Variants in LRRC4C observed in about 807,000 individuals in gnomAD.
The protein encoded by LRRC4C is leucine rich repeat containing 4C.
A neutral mutation model predicts 33.6 loss-of-function variants in LRRC4C; 5 were observed. The ratio of observed to expected loss-of-function variants is 0.15; its 90% CI spans 0.08 to 0.31. LRRC4C has a LOEUF of 0.31. LRRC4C is among the 10% of genes least tolerant of loss of function. The probability of loss-of-function intolerance (pLI) is 1.00; values close to 1 mark genes in which losing one functional copy is unlikely to be tolerated. For synonymous variants in LRRC4C, 329 were observed against 302.0 expected, an observed-to-expected ratio of 1.09 and a Z score of -0.93; for missense variants, 560 against 796.7, an observed-to-expected ratio of 0.70 and a Z score of 3.58.
intron 1 of LRRC4C, among the ~76,000 whole-genome samples, chr11:41,181,900 GAA>G (rs1006497664): frequency 6.6e-6 from 1 of 151,722 alleles, no homozygotes; most frequent in Non-Finnish European, 1.5e-5. Context: ...TTTTAAAGAG[GAA>G]AAAAAGACTC....
At chr11:40,717,913 A>G (rs1341919917) in intron 2 of LRRC4C, among the ~76,000 whole-genome samples, 2 of 152,212 alleles carry the variant, frequency 1.3e-5, no homozygotes, top group African/African-American at 2.4e-5. Flanking sequence ...GGTAGTATAT[A>G]CCACAATTAC....
At chr11:40,380,950 C>T (rs577000471) in intron 3 of LRRC4C, among the ~76,000 whole-genome samples, 6 of 152,224 alleles carry the variant, frequency 3.9e-5, no homozygotes, top group East Asian at 3.9e-4. Context: ...ACAGCTATTC[C>T]GTGCATGCGA....
chr11:40,558,261 C>T (rs1339504026), intron 3 of LRRC4C, among the ~76,000 whole-genome samples: 2 of 152,112 alleles, frequency 1.3e-5, no homozygotes, highest in Non-Finnish European at 2.9e-5. Context: ...AACATTCAAA[C>T]ATTTTAGTTT....
chr11:41,139,131 T>C (rs1004122380), intron 1 of LRRC4C, among the ~76,000 whole-genome samples: 34 of 152,324 alleles, frequency 2.2e-4, no homozygotes, highest in African/African-American at 7.7e-4. Flanking sequence ...TCTTATCTAG[T>C]TGAATACTTA....
intron 1 of LRRC4C, among the ~76,000 whole-genome samples, chr11:41,144,533 A>T (rs1335383661): frequency 6.6e-6 from 1 of 152,118 alleles, no homozygotes; most frequent in African/African-American, 2.4e-5. Context: ...TTATCTCTCA[A>T]GGCTTTTCAA....
chr11:41,204,102 G>A (rs1946504172), intron 1 of LRRC4C, among the ~76,000 whole-genome samples: 1 of 152,096 alleles, frequency 6.6e-6, no homozygotes, highest in African/African-American at 2.4e-5. Flanking sequence ...AACTGGTGGA[G>A]ACAGGAAAAG....
chr11:40,238,696 A>C (rs1865732926), intron 5 of LRRC4C, among the ~76,000 whole-genome samples: 1 of 152,216 alleles, frequency 6.6e-6, no homozygotes, highest in African/African-American at 2.4e-5. Flanking sequence ...AGAGTTGCAA[A>C]GAAGGAACAT....
intron 1 of LRRC4C, among the ~76,000 whole-genome samples, chr11:41,206,072 G>T (rs1946590577): frequency 6.6e-6 from 1 of 152,060 alleles, no homozygotes; most frequent in South Asian, 2.1e-4. Context: ...ATACAACATA[G>T]AAAAGCTTTT....
chr11:40,294,581 C>A (rs545590556), intron 4 of LRRC4C, among the ~76,000 whole-genome samples: 1 of 152,200 alleles, frequency 6.6e-6, no homozygotes, highest in African/African-American at 2.4e-5. Flanking sequence ...GTAATCCCAG[C>A]CCTTTGGGAG....
intron 1 of LRRC4C, among the ~76,000 whole-genome samples, chr11:41,249,229 T>G (rs901537464): frequency 2.0e-5 from 3 of 152,108 alleles, no homozygotes; most frequent in African/African-American, 4.8e-5. Context: ...AGAGACGGGA[T>G]TTCACCATGT....
intron 5 of LRRC4C, among the ~76,000 whole-genome samples, chr11:40,234,365 G>T (rs1229308987): frequency 6.6e-6 from 1 of 152,040 alleles, no homozygotes; most frequent in Admixed American, 6.6e-5. Context: ...AAGTAGCAGA[G>T]TCAAAACCCC....
At chr11:41,261,436 G>A (rs775788420) in intron 1 of LRRC4C, among the ~76,000 whole-genome samples, 1 of 152,056 alleles carries the variant, frequency 6.6e-6, no homozygotes, top group Non-Finnish European at 1.5e-5. Context: ...ATTTGAAAGT[G>A]GAATAGCAAA....
chr11:41,235,710 C>T (rs531017904), intron 1 of LRRC4C, among the ~76,000 whole-genome samples: 29 of 152,212 alleles, frequency 1.9e-4, no homozygotes, highest in African/African-American at 5.5e-4. Context: ...AGGAAATCTT[C>T]GGTATCACTG....
chr11:40,911,910 A>G (rs375137090), intron 2 of LRRC4C, among the ~76,000 whole-genome samples: 12 of 152,366 alleles, frequency 7.9e-5, no homozygotes, highest in African/African-American at 2.6e-4. Flanking sequence ...CACAAGCCTC[A>G]GTAGCCGATT....
chr11:41,259,316 A>G (rs1194551558), intron 1 of LRRC4C, among the ~76,000 whole-genome samples: 1 of 152,030 alleles, frequency 6.6e-6, no homozygotes, highest in African/African-American at 2.4e-5. Context: ...ATGTGAGTTA[A>G]CTTTTTAATT....
intron 3 of LRRC4C, among the ~76,000 whole-genome samples, chr11:40,419,349 G>A (rs1165171557): frequency 6.6e-6 from 1 of 152,030 alleles, no homozygotes; most frequent in Non-Finnish European, 1.5e-5. Flanking sequence ...ACTATGCTTA[G>A]ACAATCATAA....
chr11:40,289,140 C>A (rs1008563712), intron 4 of LRRC4C, among the ~76,000 whole-genome samples: 1 of 152,106 alleles, frequency 6.6e-6, no homozygotes, highest in Admixed American at 6.5e-5. Context: ...ATCCTGGCAA[C>A]CACTGTAAGG....
At chr11:40,496,229 T>A (rs950001050) in intron 3 of LRRC4C, among the ~76,000 whole-genome samples, 1 of 151,884 alleles carries the variant, frequency 6.6e-6, no homozygotes, top group African/African-American at 2.4e-5. Flanking sequence ...TTATTTTAGA[T>A]TTGGTTACTC....
At chr11:40,252,314 C>A (rs577114120) in intron 4 of LRRC4C, among the ~76,000 whole-genome samples, 3 of 152,052 alleles carry the variant, frequency 2.0e-5, no homozygotes, top group African/African-American at 7.2e-5. Flanking sequence ...TACACACACA[C>A]ACAACCCTAA....
Sources: gnomAD v4.1 joint callset for allele counts (sites outside exome capture counted in the v4.1 genomes callset) on GRCh38, gnomAD v4.1.1 for gene constraint, MANE v1.5 for transcripts, NCBI Gene and HGNC (gene_info 2026-07-23, HGNC 2026-07-21) for gene names.